ABLIM2: variants seen among roughly 807,000 people sequenced by gnomAD.
ABLIM2 encodes actin-binding LIM protein 2.
Under a neutral mutation model 97.7 loss-of-function variants are expected in ABLIM2, and 53 were observed. The observed-to-expected ratio is 0.54, with a 90% CI of 0.44 to 0.68. ABLIM2 has a LOEUF of 0.68. Among genes scored for constraint, ABLIM2 ranks in the 30% least tolerant of loss-of-function variants. The probability of loss-of-function intolerance (pLI) is 0.00; values close to 1 mark genes in which losing one functional copy is unlikely to be tolerated. For missense variants in ABLIM2, 835 were observed against 867.2 expected (o/e 0.96, Z 0.47); for synonymous variants, 361 against 345.8 (o/e 1.04, Z -0.49).
At chr4:8,093,677 G>A (rs925146642) in intron 3 of ABLIM2, among the ~76,000 whole-genome samples, 2 of 152,314 alleles carry the variant, frequency 1.3e-5, no homozygotes, top group Admixed American at 6.5e-5. Flanking sequence ...TTTAAGAAAT[G>A]TTGTTCTATT....
At chr4:8,000,327 C>T (rs1290249920) in intron 16 of ABLIM2, among the ~76,000 whole-genome samples, 1 of 152,126 alleles carries the variant, frequency 6.6e-6, no homozygotes, top group Non-Finnish European at 1.5e-5. Context: ...CCACAGGATC[C>T]CCGTGTGCTC....
rs1758810450 is a variant in ABLIM2 at position 8,003,571 on chromosome 4, T to C, written c.1618+4488A>G. ...TCTTCTTCCAGTTTTCTTTTTTTTT[T>C]TTTTTTTTTTTGGAGATGGAGTCTC... On this transcript the variant is annotated intron_variant, in intron 16 of 20. Transcript: ENST00000447017. This position sits in a 1 kb window ranked among gnomAD's most constrained non-coding sequence, Gnocchi z 4.2. 6.8e-6 allele frequency among the ~76,000 whole-genome samples: 1 copy of C among 147,284 alleles called. No homozygotes were observed. The highest frequency in any genetic ancestry group is 1.5e-5 in the Non-Finnish European group (1 of 67,418).
chr4:7,980,934 A>G (rs1356251657), intron 20 of ABLIM2, among the ~76,000 whole-genome samples: 3 of 65,580 alleles, frequency 4.6e-5, no homozygotes, highest in Admixed American at 3.3e-4. Context: ...GGTCTCCACA[A>G]CCCCTTATTT....
At chr4:7,973,115 G>GTGT (rs1347584652) in intron 20 of ABLIM2, among the ~76,000 whole-genome samples, 1 of 149,744 alleles carries the variant, frequency 6.7e-6, no homozygotes, top group Non-Finnish European at 1.5e-5. Flanking sequence ...GTGTGTGTAG[G>GTGT]GTGAGGGATG....
intron 20 of ABLIM2, among the ~76,000 whole-genome samples, chr4:7,976,673 A>ACACACACATGTGCATG (rs1733347238): frequency 6.6e-6 from 1 of 150,482 alleles, no homozygotes. Context: ...ACACATGCAC[A>ACACACACATGTGCATG]CACACACATG....
chr4:8,118,249 G>A (rs1393770422), intron 1 of ABLIM2, among the ~76,000 whole-genome samples: 1 of 152,188 alleles, frequency 6.6e-6, no homozygotes, highest in Non-Finnish European at 1.5e-5. Context: ...ACTGCCATCT[G>A]GGGAGACGCC....
rs765727366 is a variant in ABLIM2, at chr4:8,008,179, G to A, written c.1498C>T (p.Leu500Phe). Residue 500 changes from leucine to phenylalanine, a missense_variant, in exon 16 of 21, where the codon CTC becomes TTC. Transcript: ENST00000447017. ...GTCCTTGTGTCTGCATCCCCCTTGA[G>A]CATCAGCCAGCTGCTCTTCTGCTGA... ...NRKQKSSWLM[L>F]KGDADTRTNS... The A allele has an allele frequency of 1.9e-6, 3 of 1,613,660 alleles. No homozygotes were observed. Among genetic ancestry groups the A allele is most frequent in the Admixed American group, 3.3e-5 (2 of 59,984 alleles).
At chr4:7,989,358 C>T (rs541589522) in intron 17 of ABLIM2, 19 of 971,830 alleles carry the variant, frequency 2.0e-5, no homozygotes, top group Non-Finnish European at 2.2e-5. Context: ...GGATTATAGG[C>T]CTGAACCACT....
At chr4:7,980,941 A>ATCTTTTTTTTTTTTTTTTTTTTTTTTT (rs1483414043) in intron 20 of ABLIM2, among the ~76,000 whole-genome samples, 19 of 82,982 alleles carry the variant, frequency 2.3e-4, no homozygotes, top group African/African-American at 5.0e-4. Flanking sequence ...ACAACCCCTT[A>ATCTTTTTTTTTTTTTTTTTTTTTTTTT]TTTTTTTTTT....
At chr4:8,153,417 G>T (rs558892976) in intron 1 of ABLIM2, among the ~76,000 whole-genome samples, 1 of 152,194 alleles carries the variant, frequency 6.6e-6, no homozygotes, top group East Asian at 1.9e-4. Context: ...TGCACATCAC[G>T]GAAGAACAGG....
chr4:7,993,209 T>C (rs910470228), intron 16 of ABLIM2, among the ~76,000 whole-genome samples: 2 of 152,232 alleles, frequency 1.3e-5, no homozygotes, highest in African/African-American at 2.4e-5. Context: ...GGCTCGGGCC[T>C]GGGCACCACC....
Position 8,120,136 on chromosome 4 carries a change from G to T in ABLIM2, c.11-13499C>A, listed in dbSNP as rs1330522332. ...GAGGAGCCTCTCCTCTGGGAGGCAG[G>T]AAGAGAAAAACAGCCCAGCGGCCAC... On this transcript the variant is annotated intron_variant, in intron 1 of 20. Transcript: ENST00000447017. The surrounding 1 kb of genome is among the most constrained non-coding windows in gnomAD (Gnocchi z 5.6). Among the ~76,000 whole-genome samples, 1 of 152,144 alleles carries T rather than the reference G, an allele frequency of 6.6e-6. No homozygotes were observed. Among genetic ancestry groups the T allele is most frequent in the Non-Finnish European group, 1.5e-5 (1 of 68,024 alleles).
rs551500803 is a variant in ABLIM2, at chr4:8,129,294, T to C, written c.11-22657A>G. Among the ~76,000 whole-genome samples, 14 of 151,972 alleles carry C rather than the reference T, an allele frequency of 9.2e-5. 1 individual carries two copies. The East Asian group carries it at 2.7e-3, about 29-fold the overall frequency. On this transcript the variant is annotated intron_variant, in intron 1 of 20. Transcript: ENST00000447017. ...CCGCCCCCTCTGTGACTCACTCAAA[T>C]CCCCTGCACAAGTGAATCAGAGGCC...
chr4:8,056,609 C>T (rs1274093326), intron 7 of ABLIM2, among the ~76,000 whole-genome samples: 3 of 151,444 alleles, frequency 2.0e-5, no homozygotes, highest in Non-Finnish European at 4.4e-5. Context: ...GCTACAGACA[C>T]AATTTCATAT....
At chr4:8,110,850 G>A (rs554956222) in intron 1 of ABLIM2, among the ~76,000 whole-genome samples, 20 of 152,314 alleles carry the variant, frequency 1.3e-4, no homozygotes, top group Non-Finnish European at 2.1e-4. Context: ...TGCAGGTGCC[G>A]CTCCTACAGG....
In ABLIM2 at chr4:8,130,943, T is replaced by C. The variant is rs1382988579; in HGVS notation, c.11-24306A>G. Among the ~76,000 whole-genome samples the C allele has an allele frequency of 3.3e-5, 5 of 152,000 alleles. No individual in the cohort carries two copies. The South Asian group carries it at 8.3e-4, about 25-fold the overall frequency. ...CCCAGGGCTGAGCTCCCCCAAAGGC[T>C]CTAGGGGAGGCTGCCGTTACCTCGC... On this transcript the variant is annotated intron_variant, in intron 1 of 20. Transcript: ENST00000447017. The surrounding 1 kb of genome is among the most constrained non-coding windows in gnomAD (Gnocchi z 4.2).
chr4:7,979,481 CAT>C (rs986478892), intron 20 of ABLIM2, among the ~76,000 whole-genome samples: 5 of 152,228 alleles, frequency 3.3e-5, no homozygotes, highest in African/African-American at 1.2e-4. Context: ...GGAAATTTAA[CAT>C]ATTTTGAGCC....
At position 8,072,736 on chromosome 4, in the gene ABLIM2, C is replaced by A. The variant is rs1304881771; in HGVS notation, c.675+4892G>T. Reference sequence around the variant, plus strand: ...GGACGCCCAGGTGAGTGGTGGGAGGCAGTGTGTATGTGGCGGAGGGAGAGT... The same window carrying A: ...GGACGCCCAGGTGAGTGGTGGGAGGAAGTGTGTATGTGGCGGAGGGAGAGT... On this transcript the variant is annotated intron_variant, in intron 6 of 20. Transcript: ENST00000447017. The surrounding 1 kb of genome is among the most constrained non-coding windows in gnomAD (Gnocchi z 5.8). 6.6e-6 allele frequency among the ~76,000 whole-genome samples: 1 copy of A among 152,174 alleles called. No individual in the cohort carries two copies. The highest frequency in any genetic ancestry group is 1.5e-5 in the Non-Finnish European group (1 of 68,042).
chr4:8,084,986 C>T (rs896866016), intron 4 of ABLIM2, among the ~76,000 whole-genome samples: 5 of 152,290 alleles, frequency 3.3e-5, no homozygotes, highest in East Asian at 3.9e-4. Flanking sequence ...GGGGGCCTCA[C>T]GGGAAGGGGC....
Sources: gnomAD v4.1 joint callset for allele counts (sites outside exome capture counted in the v4.1 genomes callset) on GRCh38, gnomAD v4.1.1 for gene constraint, Gnocchi (gnomAD v3.1) non-coding constraint, MANE v1.5 for transcripts, NCBI Gene and HGNC (gene_info 2026-07-23, HGNC 2026-07-21) for gene names.